Variants in EDEM3 observed in about 807,000 individuals in gnomAD.
EDEM3 encodes ER degradation-enhancing alpha-mannosidase-like protein 3.
EDEM3 carries 60 observed loss-of-function variants against 110.2 expected under a neutral mutation model. The observed-to-expected ratio is 0.54, with a 90% CI of 0.44 to 0.67. EDEM3 has a LOEUF of 0.67. Among genes scored for constraint, EDEM3 ranks in the 30% least tolerant of loss-of-function variants. The pLI is 0.00. For synonymous variants in EDEM3, 352 were observed against 382.9 expected (o/e 0.92, Z 0.94); for missense variants, 996 against 1,121.0 (o/e 0.89, Z 1.59).
intron 14 of EDEM3, among the ~76,000 whole-genome samples, 198 bp downstream of exon 14, chr1:184,712,235 T>C (rs1459623376): frequency 6.6e-6 from 1 of 152,116 alleles, no homozygotes; most frequent in East Asian, 1.9e-4. Context: ...CTACTCAACA[T>C]AATTTTTAAA....
In EDEM3 at chr1:184,709,685, GGAA is replaced by G. The variant is rs544372450; in HGVS notation, c.1845+706_1845+708del. 5.9e-5 allele frequency among the ~76,000 whole-genome samples: 9 copies of G among 152,252 alleles called. No homozygotes were observed. The South Asian group carries it at 1.2e-3, about 21-fold the overall frequency. ...CCCACTGAGGCCAAATAAAATACAA[GGAA>G]GAAGGAAGAATACTCTTAAAAGAAG... is the stretch of plus-strand genomic sequence containing the variant. On this transcript the variant is annotated intron_variant, in intron 16 of 19. Transcript: ENST00000318130.
At position 184,706,634 on chromosome 1, in the gene EDEM3, ATTAC is replaced by A. The variant is rs1252811160; in HGVS notation, c.2203+5_2203+8del. 3 of 1,603,818 alleles carry A rather than the reference ATTAC, an allele frequency of 1.9e-6. No individual in the cohort carries two copies. The highest frequency in any genetic ancestry group is 2.6e-6 in the Non-Finnish European group (3 of 1,172,612). ...TTCAGTCAACACAATGACATGGATGATTACTTACCAATAACAATGCCACCAATGG... is the reference window on the plus strand; with the variant it reads ...TTCAGTCAACACAATGACATGGATGATTACCAATAACAATGCCACCAATGG... On this transcript the variant is annotated splice_donor_5th_base_variant and intron_variant, in intron 18 of 19. Coordinates refer to ENST00000318130, the MANE Select transcript of EDEM3 (RefSeq NM_025191.4).
chr1:184,709,941 CAT>C (rs1253054390), intron 16 of EDEM3, among the ~76,000 whole-genome samples: 2 of 152,106 alleles, frequency 1.3e-5, no homozygotes, highest in African/African-American at 2.4e-5. Context: ...CTCAAAAAGA[CAT>C]GTTATTTTTC....
intron 6 of EDEM3, among the ~76,000 whole-genome samples, chr1:184,727,376 CA>C (rs1287514818): frequency 6.6e-6 from 1 of 151,812 alleles, no homozygotes; most frequent in African/African-American, 2.4e-5. Flanking sequence ...AAATAACCAA[CA>C]AAAAAGGAGG....
Position 184,691,467 on chromosome 1 carries a change from T to C in EDEM3, c.*2596A>G, listed in dbSNP as rs1173629113. 2 of 152,526 alleles carry C rather than the reference T, an allele frequency of 1.3e-5. No individual in the cohort carries two copies. The highest frequency in any genetic ancestry group is 1.3e-4 in the Admixed American group (2 of 15,256). The allele number at this position is 152,526 out of a possible 1,614,324, so 9.4% of individuals were successfully genotyped here. A position where few individuals can be genotyped will look rare whatever the true frequency, so the allele number is the denominator to read the frequency against. On this transcript the variant is annotated 3_prime_UTR_variant, in exon 20 of 20. Coordinates refer to ENST00000318130, the MANE Select transcript of EDEM3 (RefSeq NM_025191.4). ...TTATATAAATCTTTCTTAAACAATT[T>C]TATGGCTGTGGTGATCACTTCAGCT...
chr1:184,711,116 G>A (rs1198122473), intron 15 of EDEM3, among the ~76,000 whole-genome samples: 1 of 148,266 alleles, frequency 6.7e-6, no homozygotes, highest in Non-Finnish European at 1.5e-5. Context: ...TTTTTTTTTT[G>A]AGATGGAGTT....
chr1:184,719,476 C>T lies in EDEM3; in HGVS notation c.1044G>A (p.Met348Ile), dbSNP rs1650752923. The change falls in exon 10 of 20, where the codon ATG becomes ATA. Residue 348 changes from methionine (M) to isoleucine (I), a missense_variant. Physicochemically the swap from Met to Ile is conservative, Grantham distance 10. This residue lies in a region of EDEM3 where 310 missense variants were observed against 394.6 expected (regional missense o/e 0.79). Coordinates refer to ENST00000318130, the MANE Select transcript of EDEM3 (RefSeq NM_025191.4). Reference sequence around the variant, plus strand: ...CTGGGAAGAAGGCAAGCAAAGCATCCATCCAAGTCCGAGCATTCAGCATTG... The same window carrying T: ...CTGGGAAGAAGGCAAGCAAAGCATCTATCCAAGTCCGAGCATTCAGCATTG... ...HKPMLNARTWMDALLAFFPGL... is the reference protein window; with the variant it reads ...HKPMLNARTWIDALLAFFPGL... The T allele has an allele frequency of 1.2e-6, 2 of 1,613,438 alleles. No homozygotes were observed. The highest frequency in any genetic ancestry group is 1.3e-5 in the African/African-American group (1 of 74,844).
chr1:184,737,165 T>C, intron 3 of EDEM3, 101 bp from the exon 4 acceptor site: 2 of 993,256 alleles, frequency 2.0e-6, no homozygotes, highest in Non-Finnish European at 3.1e-6. Context: ...GTAGTTTCTA[T>C]AAATTAGTAC....
rs371136756 is a variant in EDEM3 at position 184,716,935 on chromosome 1, G to A, written c.1323C>T (p.Cys441=). ...GAACATCCTTCATGGCAGCAAATCCGCAAGGCACTCTAGCATATTTATTTA... is the reference window on the plus strand; with the variant it reads ...GAACATCCTTCATGGCAGCAAATCCACAAGGCACTCTAGCATATTTATTTA... ...ENLNKYARVP[C]GFAAMKDVRT... The change falls in exon 13 of 20, where the codon TGC becomes TGT. Residue 441 remains cysteine (C), a synonymous_variant. Coordinates refer to ENST00000318130, the MANE Select transcript of EDEM3 (RefSeq NM_025191.4). The A allele has an allele frequency of 1.7e-5, 27 of 1,613,034 alleles. No individual in the cohort carries two copies. In the African/African-American group the frequency reaches 1.7e-4, roughly 10 times the overall value.
At position 184,719,226 on chromosome 1, in the gene EDEM3, C is replaced by T; in HGVS notation, c.1097G>A (p.Arg366Lys). Residue 366 changes from arginine to lysine, a missense_variant, in exon 11 of 20, where the codon AGA becomes AAA. This residue lies in a region of EDEM3 where 310 missense variants were observed against 394.6 expected (regional missense o/e 0.79). Coordinates refer to ENST00000318130, the MANE Select transcript of EDEM3 (RefSeq NM_025191.4). ...PGLQVLKGDI[R>K]PAIETHEMLY... is the part of the protein sequence containing the mutation. ...CATTTCATGAGTTTCAATAGCAGGTCTAATATCCCCCTTTAACACCTAGAA... is the reference window on the plus strand; with the variant it reads ...CATTTCATGAGTTTCAATAGCAGGTTTAATATCCCCCTTTAACACCTAGAA... 1.9e-6 allele frequency: 3 copies of T among 1,573,054 alleles called. No homozygotes were observed. Among genetic ancestry groups the T allele is most frequent in the Non-Finnish European group, 2.6e-6 (3 of 1,163,224 alleles).
chr1:184,729,836 C>A (rs1651402458), intron 6 of EDEM3, among the ~76,000 whole-genome samples: 1 of 152,064 alleles, frequency 6.6e-6, no homozygotes. Flanking sequence ...TAATTCCTTG[C>A]CTGCTTCTCA....
chr1:184,723,809 T>G lies in EDEM3; in HGVS notation c.795A>C (p.Arg265=). The G allele has an allele frequency of 6.3e-7, 1 of 1,596,270 alleles. No homozygotes were observed. The highest frequency in any genetic ancestry group is 8.5e-7 in the Non-Finnish European group (1 of 1,174,510). ...TAGTCACGCCCACTAAATTACTACTTCGCTGTCTTTTTTCCCAGAGAAAAT... is the reference window on the plus strand; with the variant it reads ...TAGTCACGCCCACTAAATTACTACTGCGCTGTCTTTTTTCCCAGAGAAAAT... ...ALDFLWEKRQ[R]SSNLVGVTIN... is the part of the protein sequence containing the mutation. The change falls in exon 8 of 20, where the codon CGA becomes CGC. Residue 265 remains arginine, a synonymous_variant. Coordinates refer to ENST00000318130, the MANE Select transcript of EDEM3 (RefSeq NM_025191.4).
intron 17 of EDEM3, among the ~76,000 whole-genome samples, chr1:184,707,109 A>G (rs1333990212): frequency 6.6e-6 from 1 of 152,178 alleles, no homozygotes. Context: ...ATATGGGGAA[A>G]TTGAGACTCA....
chr1:184,708,816 C>T (rs1571359368), intron 16 of EDEM3, among the ~76,000 whole-genome samples: 2 of 152,190 alleles, frequency 1.3e-5, no homozygotes, highest in Non-Finnish European at 2.9e-5. Flanking sequence ...AAATTTGTGT[C>T]TGGAGGAGAA....
At position 184,702,855 on chromosome 1, in the gene EDEM3, T is replaced by C; in HGVS notation, c.2345A>G (p.Tyr782Cys). Reference sequence around the variant, plus strand: ...AGAGAGGAGCACTTCTACCTCCTCATATTCCCGGATGGCATCCAGTATGAT... The same window carrying C: ...AGAGAGGAGCACTTCTACCTCCTCACATTCCCGGATGGCATCCAGTATGAT... ...GSIILDAIRE[Y>C]EEVEVLLSDK... is the part of the protein sequence containing the mutation. The change falls in exon 19 of 20, where the codon TAT becomes TGT. Residue 782 changes from tyrosine (Y) to cysteine (C), a missense_variant. Transcript: ENST00000318130. 1 of 1,612,266 alleles carries C rather than the reference T, an allele frequency of 6.2e-7. No individual in the cohort carries two copies. The highest frequency in any genetic ancestry group is 1.1e-5 in the South Asian group (1 of 90,800).
intron 2 of EDEM3, among the ~76,000 whole-genome samples, chr1:184,738,261 T>G (rs914058617): frequency 4.6e-5 from 7 of 152,204 alleles, no homozygotes; most frequent in African/African-American, 1.7e-4. Flanking sequence ...CACAATGCTC[T>G]GAAGTAGATT....
In EDEM3 at chr1:184,716,990, A is replaced by C. The variant is rs150098169; in HGVS notation, c.1268T>G (p.Leu423Arg). ...LYKATGDPYY[L>R]EVGKTLIENL... is the part of the protein sequence containing the mutation. ...TTCAATAAGTGTCTTCCCTACTTCA[A>C]GGTAGTAAGGATCTCCTGTAGCCTA... The change falls in exon 13 of 20, where the codon CTT becomes CGT. Residue 423 changes from leucine (L) to arginine (R), a missense_variant. Leu to Arg is a moderately radical substitution (Grantham distance 102). Transcript: ENST00000318130. The C allele has an allele frequency of 7.4e-5, 120 of 1,611,922 alleles. No individual in the cohort carries two copies. Among genetic ancestry groups the C allele is most frequent in the Non-Finnish European group, 9.8e-5 (116 of 1,178,332 alleles).
At position 184,693,773 on chromosome 1, in the gene EDEM3, G is replaced by A. The variant is rs61733290; in HGVS notation, c.*290C>T. On this transcript the variant is annotated 3_prime_UTR_variant, in exon 20 of 20. Transcript: ENST00000318130. ...TCCAGAGACAACAGAAATCTGGTTC[G>A]CAGGAATGCTCAGTAATCTTTCCCT... The A allele has an allele frequency of 3.4e-4, 91 of 267,890 alleles. No individual in the cohort carries two copies. The highest frequency in any genetic ancestry group is 1.7e-3 in the African/African-American group (79 of 46,030). 16.6% of individuals were successfully genotyped at this position (267,890 alleles called of 1,614,324 possible). A position where few individuals can be genotyped will look rare whatever the true frequency, so the allele number is the denominator to read the frequency against.
intron 13 of EDEM3, among the ~76,000 whole-genome samples, chr1:184,713,993 T>C (rs1334005087): frequency 1.3e-5 from 2 of 152,244 alleles, no homozygotes; most frequent in East Asian, 3.8e-4. Context: ...AAAACATGTT[T>C]AGCCATTTTG....
Sources: allele counts gnomAD v4.1 joint callset (sites outside exome capture counted in the v4.1 genomes callset), GRCh38; gene constraint gnomAD v4.1.1; regional missense constraint gnomAD v4.1.1; transcripts MANE v1.5; gene names NCBI Gene and HGNC (gene_info 2026-07-23, HGNC 2026-07-21).